Variants in SH2B2 observed in about 807,000 individuals in gnomAD.
SH2B2 encodes SH2B adaptor protein 2.
A neutral mutation model predicts 35.7 loss-of-function variants in SH2B2; 37 were observed. The observed-to-expected ratio is 1.04, with a 90% CI of 0.80 to 1.36. The LOEUF is 1.36. SH2B2 is among the 40% of genes most tolerant of loss of function. The pLI, the probability that SH2B2 is intolerant of heterozygous loss-of-function variation, is 0.00. For synonymous variants in SH2B2, 383 were observed against 376.4 expected (o/e 1.02, Z -0.20); for missense variants, 852 against 817.7 (o/e 1.04, Z -0.51).
chr7:102,291,317 G>T (rs1563545893), intron 1 of SH2B2, among the ~76,000 whole-genome samples: 1 of 152,248 alleles, frequency 6.6e-6, no homozygotes, highest in Non-Finnish European at 1.5e-5. Context: ...GGCATGAGAG[G>T]CCTGGGGTTG....
chr7:102,308,551 G>A (rs1360959745), intron 3 of SH2B2, among the ~76,000 whole-genome samples: 4 of 152,250 alleles, frequency 2.6e-5, no homozygotes, highest in Non-Finnish European at 5.9e-5. Flanking sequence ...TGTCTCTAAG[G>A]CAGAGGAGCT....
chr7:102,321,270 A>G, intron 8 of SH2B2, 29 bp from the exon 9 acceptor site: 2 of 1,347,734 alleles, frequency 1.5e-6, no homozygotes, highest in Non-Finnish European at 9.5e-7. Context: ...CCAGGTCCCC[A>G]CTCACGCCCT....
intron 2 of SH2B2, among the ~76,000 whole-genome samples, chr7:102,301,537 C>T (rs1011846622): frequency 6.1e-5 from 9 of 148,106 alleles, no homozygotes; most frequent in Admixed American, 2.7e-4. Flanking sequence ...TTTTTCTTTT[C>T]GTGTGTGTGT....
rs782218315 is a variant in SH2B2 at position 102,300,653 on chromosome 7, G to A, written c.103G>A (p.Ala35Thr). 5.2e-6 allele frequency: 8 copies of A among 1,549,588 alleles called. No homozygotes were observed. Among genetic ancestry groups the A allele is most frequent in the Non-Finnish European group, 7.0e-6 (8 of 1,145,152 alleles). ...CTGCGAGCTGCATGCGCAGGCGGCCGCCGTGGACTTTGCGCACAAGTTCTG... is the reference window on the plus strand; with the variant it reads ...CTGCGAGCTGCATGCGCAGGCGGCCACCGTGGACTTTGCGCACAAGTTCTG... ...QFCELHAQAA[A>T]VDFAHKFCRF... Residue 35 changes from alanine to threonine, a missense_variant, in exon 2 of 9, where the codon GCC (alanine) becomes ACC (threonine). Transcript: ENST00000444095.
chr7:102,290,252 T>TC (rs1370947613), intron 1 of SH2B2, among the ~76,000 whole-genome samples: 1 of 151,320 alleles, frequency 6.6e-6, no homozygotes, highest in Admixed American at 6.6e-5. Context: ...TTTTTTTTTT[T>TC]TATTTTTTTG....
chr7:102,296,650 G>A (rs1213132994), intron 1 of SH2B2, among the ~76,000 whole-genome samples: 5 of 152,252 alleles, frequency 3.3e-5, no homozygotes, highest in African/African-American at 9.6e-5. Context: ...CTGGGAATAA[G>A]AGGATGAAGC....
intron 1 of SH2B2, among the ~76,000 whole-genome samples, chr7:102,299,344 A>C (rs1336986495): frequency 1.3e-5 from 2 of 150,688 alleles, no homozygotes; most frequent in African/African-American, 2.4e-5. Context: ...GACTACAGGC[A>C]TATGCCACCA....
upstream of SH2B2, among the ~76,000 whole-genome samples, chr7:102,285,912 C>T (rs530301304): frequency 8.5e-5 from 13 of 152,354 alleles, no homozygotes; most frequent in South Asian, 2.5e-3. Context: ...GAAGCCCTCC[C>T]TCCCCTCTCA....
At chr7:102,299,304 T>C (rs1646431739) in intron 1 of SH2B2, among the ~76,000 whole-genome samples, 1 of 149,386 alleles carries the variant, frequency 6.7e-6, no homozygotes, top group African/African-American at 2.5e-5. Flanking sequence ...GTTCAAGCGA[T>C]TCTCCTGCCT....
intron 3 of SH2B2, among the ~76,000 whole-genome samples, chr7:102,307,615 G>T (rs1380127578): frequency 2.0e-5 from 3 of 151,968 alleles, no homozygotes; most frequent in Non-Finnish European, 4.4e-5. Context: ...TGCCCACCTG[G>T]TACCCTCTAA....
intron 3 of SH2B2, 23 bp from the exon 4 acceptor site, chr7:102,308,792 C>T: frequency 6.3e-7 from 1 of 1,598,286 alleles, no homozygotes; most frequent in African/African-American, 1.3e-5. Context: ...GTGTTCTGCA[C>T]TCCCGGCCAC....
At chr7:102,320,534 C>T in intron 8 of SH2B2, 32 bp downstream of exon 8, 1 of 1,600,624 alleles carries the variant, frequency 6.2e-7, no homozygotes, top group Non-Finnish European at 8.5e-7. Flanking sequence ...GGTGTGATTA[C>T]TCAAGAAGAC....
chr7:102,316,174 G>A (rs1275388536), intron 6 of SH2B2, among the ~76,000 whole-genome samples: 1 of 152,160 alleles, frequency 6.6e-6, no homozygotes, highest in Non-Finnish European at 1.5e-5. Context: ...CTACCCAGGA[G>A]GCTGAGGTGG....
rs967696881 is a variant in SH2B2 at position 102,314,592 on chromosome 7, G to A, written c.1096G>A (p.Val366Ile). 1.6e-4 allele frequency: 63 copies of A among 398,600 alleles called. No homozygotes were observed. The highest frequency in any genetic ancestry group is 1.5e-3 in the Admixed American group (34 of 22,702). 24.7% of individuals were successfully genotyped at this position (398,600 alleles called of 1,614,324 possible). The change falls in exon 6 of 9, where the codon GTC becomes ATC. Residue 366 changes from valine (V) to isoleucine (I), a missense_variant. Around this residue, in one of 3 missense-constraint regions of SH2B2, gnomAD observed 556 missense variants for 514.5 expected, o/e 1.08. Coordinates refer to ENST00000444095, the MANE Select transcript of SH2B2 (RefSeq NM_001359228.2). ...CCCCCACAGCCGAGGTCGAGATGCC[G>A]TCAGAGAATCCCTGATCCACGTCCC... ...TAPHSRGRDAVRESLIHVPLE... is the reference protein window; with the variant it reads ...TAPHSRGRDAIRESLIHVPLE...
chr7:102,305,893 C>CTTTTT (rs1292537190), intron 2 of SH2B2, among the ~76,000 whole-genome samples: 7 of 107,304 alleles, frequency 6.5e-5, no homozygotes, highest in Admixed American at 9.6e-5. Context: ...TTTTTTTTTT[C>CTTTTT]TTTTTTTTTT....
chr7:102,321,553 G>A lies in SH2B2; in HGVS notation c.1822G>A (p.Ala608Thr). The A allele has an allele frequency of 8.7e-7, 1 of 1,147,320 alleles. No individual in the cohort carries two copies. The highest frequency in any genetic ancestry group is 4.4e-5 in the East Asian group (1 of 22,964). 71.1% of individuals were successfully genotyped at this position (1,147,320 alleles called of 1,614,324 possible). A position where few individuals can be genotyped will look rare whatever the true frequency, so the allele number is the denominator to read the frequency against. The change falls in exon 9 of 9, where the codon GCC (alanine) becomes ACC (threonine). Residue 608 changes from alanine (A) to threonine (T), a missense_variant. By Grantham distance (58) the Ala-to-Thr change is moderately conservative. This residue lies in a region of SH2B2 where 556 missense variants were observed against 514.5 expected (regional missense o/e 1.08). Transcript: ENST00000444095. ...SAERLLEAVA[A>T]TAAEEPPEAA... is the part of the protein sequence containing the mutation. ...CGAGCGCCTGCTGGAGGCCGTGGCC[G>A]CCACCGCCGCCGAGGAGCCCCCGGA...
chr7:102,299,964 C>T (rs1352809530), intron 1 of SH2B2, among the ~76,000 whole-genome samples: 5 of 152,348 alleles, frequency 3.3e-5, no homozygotes, highest in East Asian at 3.9e-4. Flanking sequence ...GTCGCCCAGG[C>T]GGGAGTGCAG....
At chr7:102,304,045 C>G (rs1294752342) in intron 2 of SH2B2, among the ~76,000 whole-genome samples, 2 of 152,134 alleles carry the variant, frequency 1.3e-5, no homozygotes, top group African/African-American at 4.8e-5. Flanking sequence ...ATGCTAAGAA[C>G]TTGGTTGAGT....
At position 102,297,508 on chromosome 7, in the gene SH2B2, G is replaced by C. The variant is rs1393218302; in HGVS notation, c.-29-3014G>C. On this transcript the variant is annotated intron_variant, in intron 1 of 8. Transcript: ENST00000444095. This position sits in a 1 kb window ranked among gnomAD's most constrained non-coding sequence, Gnocchi z 4.3. ...TGGGACATATACCCCTTGAACGAGA[G>C]GGAACTACCATATTTGATCCACACT... Among the ~76,000 whole-genome samples, 11 of 152,078 alleles carry C rather than the reference G, an allele frequency of 7.2e-5. No homozygotes were observed. The highest frequency in any genetic ancestry group is 2.7e-4 in the African/African-American group (11 of 41,468).
Sources: gnomAD v4.1 joint callset for allele counts (sites outside exome capture counted in the v4.1 genomes callset) on GRCh38, gnomAD v4.1.1 for gene constraint, gnomAD v4.1.1 regional missense constraint, Gnocchi (gnomAD v3.1) non-coding constraint, MANE v1.5 for transcripts, NCBI Gene and HGNC (gene_info 2026-07-23, HGNC 2026-07-21) for gene names.